N4BP1: variants seen among roughly 807,000 people sequenced by gnomAD.
N4BP1 encodes the protein NEDD4-binding protein 1.
A neutral mutation model predicts 70.9 loss-of-function variants in N4BP1; 21 were observed. That is an observed-to-expected ratio of 0.30 (90% CI 0.21 to 0.43). The LOEUF (loss-of-function observed/expected upper bound fraction) is 0.43, where lower values mean the gene tolerates loss of function less well. Ranked by LOEUF, N4BP1 falls within the 20% of genes least tolerant of loss-of-function variation. The probability of loss-of-function intolerance (pLI) is 1.00; values close to 1 mark genes in which losing one functional copy is unlikely to be tolerated. For synonymous variants in N4BP1, 387 were observed against 394.6 expected, an observed-to-expected ratio of 0.98 and a Z score of 0.23; for missense variants, 936 against 1,069.4, an observed-to-expected ratio of 0.88 and a Z score of 1.74.
intron 1 of N4BP1, among the ~76,000 whole-genome samples, chr16:48,598,148 T>C (rs188175531): frequency 1.6e-4 from 24 of 152,348 alleles, no homozygotes; most frequent in Admixed American, 9.1e-4. Context: ...TCAGCAAATA[T>C]GCCTGCTTCC....
At chr16:48,604,860 T>C (rs1488598562) in intron 1 of N4BP1, among the ~76,000 whole-genome samples, 1 of 152,178 alleles carries the variant, frequency 6.6e-6, no homozygotes, top group African/African-American at 2.4e-5. Context: ...CACTGAGCCC[T>C]ACCATGTAAC....
Position 48,542,772 on chromosome 16 carries a change from T to C in N4BP1, c.*132A>G. 1.2e-6 allele frequency: 1 copy of C among 807,654 alleles called. No individual in the cohort carries two copies. Among genetic ancestry groups the C allele is most frequent in the Non-Finnish European group, 1.8e-6 (1 of 555,460 alleles). The allele number at this position is 807,654 out of a possible 1,614,324, so 50.0% of individuals were successfully genotyped here. A position where few individuals can be genotyped will look rare whatever the true frequency, so the allele number is the denominator to read the frequency against. On this transcript the variant is annotated 3_prime_UTR_variant, in exon 7 of 7. Coordinates refer to ENST00000262384, the MANE Select transcript of N4BP1 (RefSeq NM_153029.4). The stretch of plus-strand genomic sequence containing the variant: ...AAACCCAGATTTATACCCAAAACAT[T>C]TTTTTTCTGTACAACTGCGTTTACA...
At chr16:48,573,354 G>T (rs1424217134) in intron 1 of N4BP1, among the ~76,000 whole-genome samples, 1 of 152,146 alleles carries the variant, frequency 6.6e-6, no homozygotes, top group Non-Finnish European at 1.5e-5. Context: ...CACTTTGGGA[G>T]GCCAAGGCAG....
Position 48,540,959 on chromosome 16 carries a change from G to A in N4BP1, c.*1945C>T, listed in dbSNP as rs1315731460. On this transcript the variant is annotated 3_prime_UTR_variant, in exon 7 of 7. Coordinates refer to ENST00000262384, the MANE Select transcript of N4BP1 (RefSeq NM_153029.4). ...TGAGCAATCCTTCCTTCCCATAGCC[G>A]AGAAAGGGAAAGGGGACAGGCCAAT... The A allele has an allele frequency of 1.3e-5, 2 of 152,198 alleles. No individual in the cohort carries two copies. The highest frequency in any genetic ancestry group is 2.9e-5 in the Non-Finnish European group (2 of 68,046). The allele number at this position is 152,198 out of a possible 1,614,324, so 9.4% of individuals were successfully genotyped here.
rs776943277 is a variant in N4BP1, at chr16:48,548,134, T to A, written c.2118-20A>T. On this transcript the variant is annotated intron_variant, in intron 4 of 6. Transcript: ENST00000262384. ...AGAAACCTATGGTAATATAAGAGAG[T>A]TTAAAATCAGCAACAGGCATCCTTG... 6.9e-7 allele frequency: 1 copy of A among 1,452,350 alleles called. No homozygotes were observed. The highest frequency in any genetic ancestry group is 1.4e-5 in the African/African-American group (1 of 71,204). 90.0% of individuals were successfully genotyped at this position (1,452,350 alleles called of 1,614,324 possible).
At chr16:48,605,011 T>C (rs921210281) in intron 1 of N4BP1, among the ~76,000 whole-genome samples, 4 of 151,860 alleles carry the variant, frequency 2.6e-5, no homozygotes, top group Non-Finnish European at 5.9e-5. Flanking sequence ...AGTTTGTGGT[T>C]CTTTGATCTA....
chr16:48,567,372 T>A (rs952733789), intron 1 of N4BP1, among the ~76,000 whole-genome samples: 5 of 152,180 alleles, frequency 3.3e-5, no homozygotes, highest in Non-Finnish European at 5.9e-5. Flanking sequence ...TTGAGTGCAG[T>A]GGCACGCAGA....
chr16:48,609,975 CGGGCGCGGCCTCCCGCGGCGGCGCCGG>C lies in N4BP1; in HGVS notation c.-30_-4del, dbSNP rs1187191453. The C allele has an allele frequency of 7.4e-6, 9 of 1,211,298 alleles. No homozygotes were observed. The highest frequency in any genetic ancestry group is 1.6e-5 in the African/African-American group (1 of 63,018). 75.0% of individuals were successfully genotyped at this position (1,211,298 alleles called of 1,614,324 possible). A position where few individuals can be genotyped will look rare whatever the true frequency, so the allele number is the denominator to read the frequency against. The stretch of plus-strand genomic sequence containing the variant: ...TCCAGCACCGCCCGGGCCGCCATGG[CGGGCGCGGCCTCCCGCGGCGGCGCCGG>C]GGGCCGGCGGCGGCGACGCCCCCTC... On this transcript the variant is annotated 5_prime_UTR_variant, in exon 1 of 7. Transcript: ENST00000262384.
At chr16:48,573,131 G>T (rs1371486180) in intron 1 of N4BP1, among the ~76,000 whole-genome samples, 1 of 148,956 alleles carries the variant, frequency 6.7e-6, no homozygotes, top group East Asian at 2.0e-4. Flanking sequence ...AAAGAAAAAA[G>T]AAAATTCAGG....
intron 1 of N4BP1, among the ~76,000 whole-genome samples, chr16:48,586,146 C>T (rs887038326): frequency 6.6e-6 from 1 of 152,146 alleles, no homozygotes; most frequent in East Asian, 1.9e-4. Flanking sequence ...GTAAGACAGA[C>T]ACAGAATTTT....
At chr16:48,545,331 AG>A (rs1284477978) in intron 6 of N4BP1, among the ~76,000 whole-genome samples, 1 of 149,106 alleles carries the variant, frequency 6.7e-6, no homozygotes, top group African/African-American at 2.5e-5. Context: ...GCACTTTAGG[AG>A]GCCGAAGCGG....
chr16:48,591,894 T>TTC (rs1964345306), intron 1 of N4BP1, among the ~76,000 whole-genome samples: 1 of 124,972 alleles, frequency 8.0e-6, no homozygotes, highest in African/African-American at 3.6e-5. Context: ...ACGTTTTTTT[T>TTC]TTTTTCCAAG....
At chr16:48,565,084 T>TG (rs1404021547) in intron 1 of N4BP1, among the ~76,000 whole-genome samples, 1 of 152,240 alleles carries the variant, frequency 6.6e-6, no homozygotes, top group East Asian at 1.9e-4. Context: ...TGTAGTTTCC[T>TG]GGGGAATTCC....
At chr16:48,558,131 T>C (rs1597094689) in intron 2 of N4BP1, among the ~76,000 whole-genome samples, 1 of 152,050 alleles carries the variant, frequency 6.6e-6, no homozygotes, top group Non-Finnish European at 1.5e-5. Flanking sequence ...TCCTAGAATA[T>C]GGGTAAATCT....
Position 48,542,988 on chromosome 16 carries a change from C to T in N4BP1, c.2607G>A (p.Glu869=), listed in dbSNP as rs1963528685. ...AGATCTGGTCTATTTTCAGTCTTTGCTCTGAGTCAGGGAAGATCTTCAGAA... is the reference window on the plus strand; with the variant it reads ...AGATCTGGTCTATTTTCAGTCTTTGTTCTGAGTCAGGGAAGATCTTCAGAA... ...EALLKIFPDS[E]QRLKIDQILV... The change falls in exon 7 of 7, where the codon GAG becomes GAA. Residue 869 remains glutamate, a synonymous_variant. Transcript: ENST00000262384. The T allele has an allele frequency of 6.2e-7, 1 of 1,614,054 alleles. No homozygotes were observed. Among genetic ancestry groups the T allele is most frequent in the Non-Finnish European group, 8.5e-7 (1 of 1,179,900 alleles).
intron 1 of N4BP1, among the ~76,000 whole-genome samples, chr16:48,579,370 A>G (rs1401577253): frequency 6.6e-6 from 1 of 152,232 alleles, no homozygotes; most frequent in African/African-American, 2.4e-5. Flanking sequence ...ATACTTCTAA[A>G]TAAGGGAAAA....
intron 1 of N4BP1, among the ~76,000 whole-genome samples, chr16:48,584,305 CTG>C (rs1964212879): frequency 6.6e-6 from 1 of 152,208 alleles, no homozygotes; most frequent in Non-Finnish European, 1.5e-5. Context: ...AATGAAAGAA[CTG>C]TCTTTTTGAA....
At position 48,562,084 on chromosome 16, in the gene N4BP1, A is replaced by T. The variant is rs778802065; in HGVS notation, c.559T>A (p.Leu187Met). The T allele has an allele frequency of 6.2e-7, 1 of 1,613,810 alleles. No individual in the cohort carries two copies. Among genetic ancestry groups the T allele is most frequent in the Admixed American group, 1.7e-5 (1 of 59,972 alleles). Residue 187 changes from leucine to methionine, a missense_variant, in exon 2 of 7, where the codon TTG (leucine) becomes ATG (methionine). Leu to Met is a conservative substitution (Grantham distance 15). Transcript: ENST00000262384. ...ILPTSLKKEL[L>M]TLTQGEENLF... ...TTCTCCTCACCTTGTGTGAGTGTCA[A>T]AAGTTCTTTTTTCAAGGAAGTGGGC...
intron 6 of N4BP1, 97 bp downstream of exon 6, chr16:48,546,050 T>G: frequency 2.8e-6 from 2 of 723,268 alleles, no homozygotes; most frequent in Non-Finnish European, 4.4e-6. Context: ...AATAATTTTT[T>G]TAATGTCATT....
Sources: gnomAD v4.1 joint callset for allele counts (sites outside exome capture counted in the v4.1 genomes callset) on GRCh38, gnomAD v4.1.1 for gene constraint, MANE v1.5 for transcripts, NCBI Gene and HGNC (gene_info 2026-07-23, HGNC 2026-07-21) for gene names.